Variants in NELL1 observed in about 807,000 individuals in gnomAD.
The protein encoded by NELL1 is protein kinase C-binding protein NELL1.
Under a neutral mutation model 107.4 loss-of-function variants are expected in NELL1, and 76 were observed. The observed-to-expected ratio is 0.71, with a 90% CI of 0.59 to 0.86. The LOEUF (loss-of-function observed/expected upper bound fraction) is 0.86, where lower values mean the gene tolerates loss of function less well. NELL1 is among the 40% of genes least tolerant of loss of function. NELL1 has a pLI of 0.00. For synonymous variants in NELL1, 353 were observed against 341.2 expected (o/e 1.03, Z -0.38); for missense variants, 1,024 against 1,005.5 (o/e 1.02, Z -0.25).
intron 13 of NELL1, among the ~76,000 whole-genome samples, chr11:21,195,992 A>G (rs1857144097): frequency 6.6e-6 from 1 of 152,212 alleles, no homozygotes. Flanking sequence ...TCTGAGTCAA[A>G]GCAGAATACT....
At chr11:21,480,344 G>A (rs1019537065) in intron 15 of NELL1, among the ~76,000 whole-genome samples, 2 of 152,104 alleles carry the variant, frequency 1.3e-5, no homozygotes, top group African/African-American at 2.4e-5. Context: ...TCTTATTCAG[G>A]TAGAAATGAA....
chr11:21,003,243 T>C (rs1366168235), intron 12 of NELL1, among the ~76,000 whole-genome samples: 1 of 152,132 alleles, frequency 6.6e-6, no homozygotes, highest in Non-Finnish European at 1.5e-5. Flanking sequence ...TATAACTTCT[T>C]TTCTGAAAAA....
intron 12 of NELL1, among the ~76,000 whole-genome samples, chr11:21,046,510 T>A (rs1240981731): frequency 6.6e-6 from 1 of 152,134 alleles, no homozygotes; most frequent in South Asian, 2.1e-4. Flanking sequence ...CATTACTTGA[T>A]GAAAATGCAA....
At chr11:21,274,237 A>AG (rs1167717773) in intron 14 of NELL1, among the ~76,000 whole-genome samples, 1 of 152,156 alleles carries the variant, frequency 6.6e-6, no homozygotes, top group Non-Finnish European at 1.5e-5. Flanking sequence ...AACAAAAAAA[A>AG]GCAGGGGTTG....
At chr11:21,168,999 T>A (rs4923388) in intron 13 of NELL1, among the ~76,000 whole-genome samples, 96,668 of 151,694 alleles carry the variant, frequency 0.64, 31,215 homozygotes, top group Admixed American at 0.74. Context: ...GTGTATCTGC[T>A]GTCTGAACCC....
At chr11:21,204,317 C>CT (rs1331539616) in intron 13 of NELL1, among the ~76,000 whole-genome samples, 1 of 151,914 alleles carries the variant, frequency 6.6e-6, no homozygotes, top group Non-Finnish European at 1.5e-5. Context: ...CCTTTTCATT[C>CT]TTTTTTCTCT....
intron 13 of NELL1, among the ~76,000 whole-genome samples, chr11:21,115,097 G>T (rs1487212782): frequency 6.6e-6 from 1 of 151,968 alleles, no homozygotes; most frequent in Non-Finnish European, 1.5e-5. Flanking sequence ...AGAAAGGAAG[G>T]CAAGAGCTGG....
At chr11:20,848,998 T>C (rs1176647779) in intron 4 of NELL1, among the ~76,000 whole-genome samples, 1 of 152,194 alleles carries the variant, frequency 6.6e-6, no homozygotes, top group African/African-American at 2.4e-5. Flanking sequence ...CTTTGTACAC[T>C]GCAGACTGGG....
At chr11:20,853,995 G>A (rs1463331059) in intron 4 of NELL1, among the ~76,000 whole-genome samples, 1 of 152,088 alleles carries the variant, frequency 6.6e-6, no homozygotes, top group Non-Finnish European at 1.5e-5. Flanking sequence ...TTTTATTCCT[G>A]TGAGGAGTGG....
At chr11:20,755,538 TTG>T (rs1491069025) in intron 2 of NELL1, among the ~76,000 whole-genome samples, 440 of 40,408 alleles carry the variant, frequency 0.011, 9 homozygotes, top group African/African-American at 0.022. Context: ...GTGTGGGTTT[TTG>T]TTTTTTTTTG....
chr11:21,196,463 T>C (rs1481811537), intron 13 of NELL1, among the ~76,000 whole-genome samples: 1 of 152,098 alleles, frequency 6.6e-6, no homozygotes, highest in Non-Finnish European at 1.5e-5. Context: ...GTCTTGGCAT[T>C]CCTCTGGCTA....
At chr11:21,359,225 T>G (rs543956847) in intron 14 of NELL1, among the ~76,000 whole-genome samples, 1 of 152,314 alleles carries the variant, frequency 6.6e-6, no homozygotes, top group Non-Finnish European at 1.5e-5. Context: ...TTTCTGCATC[T>G]ATTGAGATGA....
intron 7 of NELL1, among the ~76,000 whole-genome samples, chr11:20,921,800 T>G (rs867479149): frequency 6.7e-6 from 1 of 149,864 alleles, no homozygotes; most frequent in East Asian, 2.0e-4. Context: ...TTGTGTGTGT[T>G]TTTTTTTTTT....
At chr11:20,746,397 T>C in intron 2 of NELL1, among the ~76,000 whole-genome samples, 1 of 152,200 alleles carries the variant, frequency 6.6e-6, no homozygotes, top group Non-Finnish European at 1.5e-5. Flanking sequence ...AGGTCAGTAA[T>C]CTTAGGCAAG....
At chr11:21,160,833 G>A (rs1452553700) in intron 13 of NELL1, among the ~76,000 whole-genome samples, 1 of 151,994 alleles carries the variant, frequency 6.6e-6, no homozygotes, top group Non-Finnish European at 1.5e-5. Flanking sequence ...GCTACAAATG[G>A]TAAGGTCACC....
intron 12 of NELL1, among the ~76,000 whole-genome samples, chr11:21,064,136 T>A (rs1853811276): frequency 6.6e-6 from 1 of 152,132 alleles, no homozygotes; most frequent in Admixed American, 6.6e-5. Flanking sequence ...AAGGCCCTTG[T>A]AACCAGAACC....
At position 21,471,144 on chromosome 11, in the gene NELL1, G is replaced by A. The variant is rs141092869; in HGVS notation, c.1646-63230G>A. Among the ~76,000 whole-genome samples, 491 of 152,012 alleles carry A rather than the reference G, an allele frequency of 3.2e-3. 3 individuals are homozygous for A. The highest frequency in any genetic ancestry group is 0.011 in the African/African-American group (466 of 41,496). On this transcript the variant is annotated intron_variant, in intron 15 of 19. Transcript: ENST00000357134. ...CATTTTTTAGGGTTTGTCAATCCTT[G>A]TGGTCATAAAACGACAAGAAGAAAT...
intron 13 of NELL1, among the ~76,000 whole-genome samples, chr11:21,148,072 G>A (rs1856027235): frequency 2.0e-5 from 3 of 152,154 alleles, no homozygotes; most frequent in Admixed American, 1.3e-4. Context: ...ACCGTTTGAC[G>A]AGTATCTTAA....
chr11:21,574,475 A>G (rs1303340850), intron 19 of NELL1, among the ~76,000 whole-genome samples: 9 of 151,814 alleles, frequency 5.9e-5, no homozygotes, highest in Admixed American at 5.9e-4. Flanking sequence ...TGAATTTATA[A>G]GTATTTATAT....
Sources: gnomAD v4.1 joint callset for allele counts (sites outside exome capture counted in the v4.1 genomes callset) on GRCh38, gnomAD v4.1.1 for gene constraint, MANE v1.5 for transcripts, NCBI Gene and HGNC (gene_info 2026-07-23, HGNC 2026-07-21) for gene names.